Variants in NUDCD3 observed in about 807,000 individuals in gnomAD.
The protein encoded by NUDCD3 is nudC domain-containing protein 3.
In NUDCD3, 13 loss-of-function variants were observed where a neutral mutation model predicts 39.7. The observed-to-expected ratio is 0.33, with a 90% confidence interval of 0.21 to 0.52. NUDCD3 has a LOEUF of 0.52. NUDCD3 is among the 20% of genes least tolerant of loss of function. NUDCD3 has a pLI of 0.96. For missense variants in NUDCD3, 453 were observed against 458.1 expected, an observed-to-expected ratio of 0.99 and a Z score of 0.10; for synonymous variants, 175 against 172.4, an observed-to-expected ratio of 1.02 and a Z score of -0.12.
chr7:44,456,790 G>A (rs186605871), intron 2 of NUDCD3, among the ~76,000 whole-genome samples: 2 of 152,122 alleles, frequency 1.3e-5, no homozygotes, highest in Admixed American at 1.3e-4. Flanking sequence ...CTTCCTAAGG[G>A]TCAAACTGTA....
At chr7:44,471,202 T>A (rs1800249354) in intron 2 of NUDCD3, among the ~76,000 whole-genome samples, 1 of 152,226 alleles carries the variant, frequency 6.6e-6, no homozygotes, top group African/African-American at 2.4e-5. Flanking sequence ...GTCCCTGATA[T>A]CCTGATATCA....
chr7:44,460,525 T>C (rs746867842), intron 2 of NUDCD3, among the ~76,000 whole-genome samples: 10 of 152,080 alleles, frequency 6.6e-5, no homozygotes, highest in Non-Finnish European at 1.2e-4. Flanking sequence ...CGTGCCCTTT[T>C]TAAAAACCCA....
At chr7:44,445,868 C>T (rs1234969819) in intron 2 of NUDCD3, among the ~76,000 whole-genome samples, 1 of 152,144 alleles carries the variant, frequency 6.6e-6, no homozygotes, top group African/African-American at 2.4e-5. Flanking sequence ...AAAGGAGAAC[C>T]GAAACCAGTA....
chr7:44,398,586 G>C (rs1035944591), intron 4 of NUDCD3, among the ~76,000 whole-genome samples: 3 of 152,140 alleles, frequency 2.0e-5, no homozygotes, highest in African/African-American at 7.2e-5. Context: ...ACCTCAACAT[G>C]AATAAACTTA....
chr7:44,405,470 G>A (rs1207499761), intron 3 of NUDCD3, among the ~76,000 whole-genome samples: 1 of 152,128 alleles, frequency 6.6e-6, no homozygotes, highest in Admixed American at 6.5e-5. Flanking sequence ...AATTAGAAGA[G>A]GAAATAAAAC....
chr7:44,402,410 CGAA>C (rs1431358076), intron 4 of NUDCD3, among the ~76,000 whole-genome samples: 8 of 152,236 alleles, frequency 5.3e-5, no homozygotes, highest in South Asian at 2.1e-4. Flanking sequence ...GAAATATCCA[CGAA>C]GAAGTTAGAG....
At chr7:44,396,437 A>G (rs1197472368) in intron 4 of NUDCD3, among the ~76,000 whole-genome samples, 1 of 152,228 alleles carries the variant, frequency 6.6e-6, no homozygotes, top group Non-Finnish European at 1.5e-5. Flanking sequence ...CAATATGAAC[A>G]ATATTATTAG....
At chr7:44,454,677 A>T (rs564911208) in intron 2 of NUDCD3, among the ~76,000 whole-genome samples, 1 of 152,188 alleles carries the variant, frequency 6.6e-6, no homozygotes, top group Non-Finnish European at 1.5e-5. Context: ...CTATAATCCC[A>T]GCACTTTGGG....
intron 3 of NUDCD3, among the ~76,000 whole-genome samples, chr7:44,416,455 G>A (rs1268811849): frequency 3.3e-5 from 5 of 151,214 alleles, no homozygotes; most frequent in East Asian, 1.9e-4. Flanking sequence ...TGGCGCCACC[G>A]CACTCTAGCC....
chr7:44,468,308 G>C (rs1800171778), intron 2 of NUDCD3: 1 of 1,489,978 alleles, frequency 6.7e-7, no homozygotes, highest in African/African-American at 1.5e-5. Context: ...TGAGTAGACA[G>C]CTCGTGTGCA....
chr7:44,400,283 G>A (rs1798697414), intron 4 of NUDCD3, among the ~76,000 whole-genome samples: 1 of 152,224 alleles, frequency 6.6e-6, no homozygotes, highest in Admixed American at 6.5e-5. Flanking sequence ...AGGGAGGGAG[G>A]CAAGAACTGT....
intron 2 of NUDCD3, among the ~76,000 whole-genome samples, chr7:44,433,251 A>G (rs965594068): frequency 3.3e-5 from 5 of 151,822 alleles, no homozygotes. Flanking sequence ...GCCCAAATGG[A>G]CTAGGCCAAC....
At position 44,427,601 on chromosome 7, in the gene NUDCD3, T is replaced by G; in HGVS notation, c.612A>C (p.Pro204=). ...TTCCCTTCACCACGTGCTTGGGTACTGGCACCCTGACCTCCAGGTCAGTAT... is the reference window on the plus strand; with the variant it reads ...TTCCCTTCACCACGTGCTTGGGTACGGGCACCCTGACCTCCAGGTCAGTAT... ...QDYTDLEVRV[P]VPKHVVKGKQ... The change falls in exon 3 of 6, where the codon CCA becomes CCC. Residue 204 remains proline (P), a synonymous_variant. Coordinates refer to ENST00000355451, the MANE Select transcript of NUDCD3 (RefSeq NM_015332.4). The G allele has an allele frequency of 6.2e-7, 1 of 1,613,590 alleles. No homozygotes were observed. Among genetic ancestry groups the G allele is most frequent in the South Asian group, 1.1e-5 (1 of 91,006 alleles).
At chr7:44,487,259 T>C (rs1230103191) in intron 1 of NUDCD3, among the ~76,000 whole-genome samples, 2 of 152,240 alleles carry the variant, frequency 1.3e-5, no homozygotes, top group East Asian at 3.9e-4. Context: ...AAAGGAAACG[T>C]ATGAGCTGCC....
intron 2 of NUDCD3, among the ~76,000 whole-genome samples, chr7:44,470,852 T>C (rs1278349757): frequency 6.6e-6 from 1 of 152,226 alleles, no homozygotes; most frequent in Admixed American, 6.5e-5. Context: ...TACTACCAAG[T>C]TCAAAGTACA....
At chr7:44,451,528 T>A (rs1226866823) in intron 2 of NUDCD3, among the ~76,000 whole-genome samples, 1 of 152,182 alleles carries the variant, frequency 6.6e-6, no homozygotes, top group Non-Finnish European at 1.5e-5. Flanking sequence ...ACTAAATAAA[T>A]TTTTAATGTA....
In NUDCD3 at chr7:44,382,987, T is replaced by C. The variant is rs1356509468; in HGVS notation, c.*3024A>G. 3 of 152,278 alleles carry C rather than the reference T, an allele frequency of 2.0e-5. No individual in the cohort carries two copies. The highest frequency in any genetic ancestry group is 4.8e-5 in the African/African-American group (2 of 41,464). 9.4% of individuals were successfully genotyped at this position (152,278 alleles called of 1,614,324 possible). On this transcript the variant is annotated 3_prime_UTR_variant, in exon 6 of 6. Transcript: ENST00000355451. ...GGAGTATGCTAGGCAATTCTAAGGA[T>C]TGCCTTTGAAACAGTCTTTATTCAG...
intron 2 of NUDCD3, among the ~76,000 whole-genome samples, chr7:44,433,284 CAT>C (rs1799400387): frequency 6.6e-6 from 1 of 152,062 alleles, no homozygotes; most frequent in South Asian, 2.1e-4. Context: ...GTGTATAGTA[CAT>C]GTGTGTGGCA....
rs560150130 is a variant in NUDCD3, at chr7:44,388,229, G to T, written c.976-2108C>A. Among the ~76,000 whole-genome samples, 54 of 152,330 alleles carry T rather than the reference G, an allele frequency of 3.5e-4. No homozygotes were observed. The South Asian group carries it at 0.011, about 30-fold the overall frequency. ...TAAATGGGCATCAATGCCAGAGCAC[G>T]CTGGTAACTGTGACTATGCCGACGT... On this transcript the variant is annotated intron_variant, in intron 5 of 5. Transcript: ENST00000355451.
Sources: gnomAD v4.1 joint callset for allele counts (sites outside exome capture counted in the v4.1 genomes callset) on GRCh38, gnomAD v4.1.1 for gene constraint, MANE v1.5 for transcripts, NCBI Gene and HGNC (gene_info 2026-07-23, HGNC 2026-07-21) for gene names.